The following BCL11A variants were observed in gnomAD, a reference collection of about 807,000 sequenced individuals.
BCL11A encodes B cell CLL/lymphoma 11A.
In BCL11A, 2 loss-of-function variants were observed where a neutral mutation model predicts 55.9. That is an observed-to-expected ratio of 0.04 (90% CI 0.01 to 0.11). BCL11A has a LOEUF of 0.11. Ranked by LOEUF, BCL11A falls within the 10% of genes least tolerant of loss-of-function variation. BCL11A has a pLI of 1.00. For missense variants in BCL11A, 817 were observed against 1,137.1 expected (o/e 0.72, Z 4.05); for synonymous variants, 465 against 473.4 (o/e 0.98, Z 0.23).
At chr2:60,532,993 A>G (rs570508118) in intron 2 of BCL11A, 1 of 152,250 alleles carries the variant, frequency 6.6e-6, no homozygotes, top group African/African-American at 2.4e-5. Context: ...TCTCCATTAT[A>G]TAACAATCTA....
intron 2 of BCL11A, among the ~76,000 whole-genome samples, chr2:60,507,709 G>A (rs1290030631): frequency 6.6e-6 from 1 of 152,022 alleles, no homozygotes; most frequent in Non-Finnish European, 1.5e-5. Context: ...TAAGACATAT[G>A]GCAGAAATGT....
chr2:60,478,391 G>A (rs1352225850), intron 2 of BCL11A, among the ~76,000 whole-genome samples: 1 of 152,218 alleles, frequency 6.6e-6, no homozygotes, highest in Non-Finnish European at 1.5e-5. Flanking sequence ...CAGGGCCGCG[G>A]CAGAAACCTG....
intron 2 of BCL11A, among the ~76,000 whole-genome samples, chr2:60,516,179 A>C (rs977800303): frequency 1.3e-5 from 2 of 152,176 alleles, no homozygotes; most frequent in South Asian, 4.1e-4. Context: ...ATATCATCCT[A>C]CACACTCACT....
rs1355382688 is a variant in BCL11A at position 60,460,956 on chromosome 2, C to T, written c.1956G>A (p.Thr652=). ...FDLPPAAMPN[T]ENVYSQWLAG... is the part of the protein sequence containing the mutation. ...CGAGCCACTGCGAGTACACGTTCTC[C>T]GTGTTGGGCATCGCGGCCGGGGGCA... The change falls in exon 4 of 4, where the codon ACG becomes ACA. Residue 652 remains threonine (T), a synonymous_variant. Transcript: ENST00000642384. 6.2e-7 allele frequency: 1 copy of T among 1,611,748 alleles called. No individual in the cohort carries two copies. The highest frequency in any genetic ancestry group is 8.5e-7 in the Non-Finnish European group (1 of 1,178,962).
At chr2:60,484,118 T>G (rs1678127875) in intron 2 of BCL11A, 3 of 152,256 alleles carry the variant, frequency 2.0e-5, no homozygotes, top group Admixed American at 2.0e-4. Context: ...ATGCTTTTGA[T>G]GCTTCGTCTG....
chr2:60,495,112 A>G (rs1039349952), intron 2 of BCL11A, among the ~76,000 whole-genome samples: 5 of 152,328 alleles, frequency 3.3e-5, no homozygotes, highest in South Asian at 4.1e-4. Flanking sequence ...TTTCATTCCC[A>G]TTGAGAAATA....
chr2:60,488,913 C>G (rs966110740), intron 2 of BCL11A, among the ~76,000 whole-genome samples: 4 of 152,214 alleles, frequency 2.6e-5, no homozygotes, highest in Non-Finnish European at 5.9e-5. Flanking sequence ...GCATGCGCCA[C>G]CACACGCGGC....
chr2:60,468,011 G>T, intron 3 of BCL11A, among the ~76,000 whole-genome samples: 1 of 101,932 alleles, frequency 9.8e-6, no homozygotes. Context: ...GGTGGTGATG[G>T]TGGTGGTGGT....
intron 2 of BCL11A, among the ~76,000 whole-genome samples, chr2:60,477,108 A>C (rs1248045525): frequency 1.3e-5 from 2 of 152,208 alleles, no homozygotes; most frequent in African/African-American, 4.8e-5. Context: ...GACACCTGGA[A>C]AGCCTTGCAA....
chr2:60,517,753 C>G (rs942836809), intron 2 of BCL11A, among the ~76,000 whole-genome samples: 1 of 152,240 alleles, frequency 6.6e-6, no homozygotes, highest in Non-Finnish European at 1.5e-5. Context: ...TCACTCCCCT[C>G]TTAGCCTCAA....
intron 2 of BCL11A, among the ~76,000 whole-genome samples, chr2:60,481,735 AT>A (rs1212458987): frequency 5.3e-5 from 8 of 151,934 alleles, no homozygotes; most frequent in Admixed American, 4.6e-4. Context: ...TTTTAAGGGC[AT>A]TTTTTTTCCA....
chr2:60,534,491 A>G (rs1247278901), intron 2 of BCL11A: 1 of 152,218 alleles, frequency 6.6e-6, no homozygotes, highest in Non-Finnish European at 1.5e-5. Context: ...TAACAATAAA[A>G]CTGCCCTGCA....
chr2:60,495,787 T>C (rs1678911066), intron 2 of BCL11A: 1 of 152,176 alleles, frequency 6.6e-6, no homozygotes, highest in Non-Finnish European at 1.5e-5. Context: ...GTAATTCTTT[T>C]CCTGCTCAAA....
At chr2:60,464,037 C>A (rs1676463742) in intron 3 of BCL11A, among the ~76,000 whole-genome samples, 1 of 152,278 alleles carries the variant, frequency 6.6e-6, no homozygotes, top group Admixed American at 6.5e-5. Context: ...TTCTCAGGAG[C>A]CCCCAAACAC....
intron 2 of BCL11A, among the ~76,000 whole-genome samples, chr2:60,505,926 C>T (rs998428216): frequency 6.6e-6 from 1 of 152,190 alleles, no homozygotes; most frequent in Non-Finnish European, 1.5e-5. Flanking sequence ...CAATAGCAGC[C>T]CCACCTGGTT....
chr2:60,513,194 C>G (rs541917442), intron 2 of BCL11A, among the ~76,000 whole-genome samples: 1 of 152,290 alleles, frequency 6.6e-6, no homozygotes, highest in East Asian at 1.9e-4. Context: ...TTGAGCGGCT[C>G]TTCCCCAGAG....
chr2:60,524,223 G>A (rs1308987586), intron 2 of BCL11A, among the ~76,000 whole-genome samples: 5 of 152,116 alleles, frequency 3.3e-5, no homozygotes, highest in South Asian at 2.1e-4. Flanking sequence ...ACAATACAAC[G>A]GCTGATACAT....
At chr2:60,470,755 G>A (rs533802578) in intron 2 of BCL11A, among the ~76,000 whole-genome samples, 1 of 152,314 alleles carries the variant, frequency 6.6e-6, no homozygotes, top group African/African-American at 2.4e-5. Flanking sequence ...CTGGCCGTGT[G>A]GCAAAGTGAG....
At chr2:60,496,008 A>T (rs1040410411) in intron 2 of BCL11A, among the ~76,000 whole-genome samples, 3 of 152,200 alleles carry the variant, frequency 2.0e-5, no homozygotes, top group Admixed American at 1.3e-4. Context: ...TGGAAAAGAG[A>T]ACAAACAAAC....
Sources: allele counts gnomAD v4.1 joint callset (sites outside exome capture counted in the v4.1 genomes callset), GRCh38; gene constraint gnomAD v4.1.1; transcripts MANE v1.5; gene names NCBI Gene and HGNC (gene_info 2026-07-23, HGNC 2026-07-21).